Variants in CNTNAP2 observed in about 807,000 individuals in gnomAD.
CNTNAP2 encodes contactin associated protein 2.
CNTNAP2 carries 98 observed loss-of-function variants against 155.2 expected under a neutral mutation model. The ratio of observed to expected loss-of-function variants is 0.63; its 90% CI spans 0.54 to 0.75. The LOEUF (loss-of-function observed/expected upper bound fraction) is 0.75, where lower values mean the gene tolerates loss of function less well. Ranked by LOEUF, CNTNAP2 falls within the 30% of genes least tolerant of loss-of-function variation. The pLI, the probability that CNTNAP2 is intolerant of heterozygous loss-of-function variation, is 0.00. For missense variants in CNTNAP2, 1,727 were observed against 1,688.1 expected (o/e 1.02, Z -0.40); for synonymous variants, 651 against 631.2 (o/e 1.03, Z -0.47).
intron 8 of CNTNAP2, among the ~76,000 whole-genome samples, chr7:147,180,265 T>G (rs983108182): frequency 6.6e-6 from 1 of 152,208 alleles, no homozygotes; most frequent in Non-Finnish European, 1.5e-5. Flanking sequence ...CCCTAGAGAT[T>G]TTTATTATCT....
At chr7:148,110,891 C>T (rs944200532) in intron 15 of CNTNAP2, among the ~76,000 whole-genome samples, 1 of 152,224 alleles carries the variant, frequency 6.6e-6, no homozygotes, top group Non-Finnish European at 1.5e-5. Context: ...GTTGACCCCT[C>T]TCCTTAGCCT....
At chr7:146,780,412 A>G (rs1333263434) in intron 2 of CNTNAP2, among the ~76,000 whole-genome samples, 2 of 151,526 alleles carry the variant, frequency 1.3e-5, no homozygotes, top group Admixed American at 6.6e-5. Flanking sequence ...GATCGTCTCA[A>G]TCTCCTGACC....
chr7:146,164,390 A>G (rs1021877817), intron 1 of CNTNAP2, among the ~76,000 whole-genome samples: 1 of 152,146 alleles, frequency 6.6e-6, no homozygotes, highest in Non-Finnish European at 1.5e-5. Context: ...AAAGTTATTT[A>G]GGGAAGGCAG....
chr7:147,998,836 T>G (rs938461001), intron 15 of CNTNAP2, among the ~76,000 whole-genome samples: 6 of 152,172 alleles, frequency 3.9e-5, no homozygotes, highest in African/African-American at 1.2e-4. Context: ...GGGGAGTTTG[T>G]TAGCCAGAAA....
At chr7:147,729,567 A>G (rs552941384) in intron 13 of CNTNAP2, among the ~76,000 whole-genome samples, 78 of 151,922 alleles carry the variant, frequency 5.1e-4, no homozygotes, top group African/African-American at 1.8e-3. Context: ...TGAGGCAAAA[A>G]AAATACATCA....
At chr7:146,503,345 A>C (rs1180255948) in intron 1 of CNTNAP2, among the ~76,000 whole-genome samples, 1 of 152,202 alleles carries the variant, frequency 6.6e-6, no homozygotes, top group Admixed American at 6.5e-5. Flanking sequence ...AATATGGCCC[A>C]GTACAAATTT....
At chr7:146,286,989 T>C (rs771114220) in intron 1 of CNTNAP2, among the ~76,000 whole-genome samples, 1 of 152,036 alleles carries the variant, frequency 6.6e-6, no homozygotes, top group Non-Finnish European at 1.5e-5. Flanking sequence ...AAACAGGTGA[T>C]GAGAACGTCC....
chr7:147,764,427 A>G (rs1434892195), intron 13 of CNTNAP2, among the ~76,000 whole-genome samples: 2 of 152,172 alleles, frequency 1.3e-5, no homozygotes, highest in Non-Finnish European at 2.9e-5. Flanking sequence ...AGGCATTTTC[A>G]ATCCTCCCTG....
At chr7:146,911,450 T>C (rs1796274685) in intron 3 of CNTNAP2, among the ~76,000 whole-genome samples, 1 of 151,932 alleles carries the variant, frequency 6.6e-6, no homozygotes, top group East Asian at 1.9e-4. Context: ...ATGTGGCACA[T>C]ATACACCATG....
intron 10 of CNTNAP2, among the ~76,000 whole-genome samples, chr7:147,479,721 C>A (rs541889081): frequency 6.9e-6 from 1 of 145,674 alleles, no homozygotes; most frequent in African/African-American, 2.4e-5. Context: ...AGATGTAGAC[C>A]AAATATGCTT....
intron 1 of CNTNAP2, among the ~76,000 whole-genome samples, chr7:146,351,175 A>G (rs943158330): frequency 2.0e-4 from 30 of 152,182 alleles, no homozygotes; most frequent in African/African-American, 7.0e-4. Flanking sequence ...AACTTAAAGT[A>G]TAATAATAAT....
chr7:148,039,915 C>T (rs1263179948), intron 15 of CNTNAP2, among the ~76,000 whole-genome samples: 1 of 152,124 alleles, frequency 6.6e-6, no homozygotes, highest in Non-Finnish European at 1.5e-5. Flanking sequence ...TAGTTGTTTC[C>T]TGAATTACTA....
intron 1 of CNTNAP2, among the ~76,000 whole-genome samples, chr7:146,736,470 A>G (rs1036857437): frequency 6.6e-5 from 10 of 152,170 alleles, no homozygotes; most frequent in African/African-American, 2.4e-4. Flanking sequence ...TATGTGTTTT[A>G]CCTGAACATT....
At chr7:146,621,230 A>T (rs1041530544) in intron 1 of CNTNAP2, among the ~76,000 whole-genome samples, 1 of 152,204 alleles carries the variant, frequency 6.6e-6, no homozygotes, top group Non-Finnish European at 1.5e-5. Flanking sequence ...TTTACAGAAA[A>T]GTTGGGGAGA....
At chr7:147,357,165 C>T (rs1796078134) in intron 9 of CNTNAP2, among the ~76,000 whole-genome samples, 1 of 152,040 alleles carries the variant, frequency 6.6e-6, no homozygotes, top group East Asian at 1.9e-4. Context: ...CTGGGTCTAC[C>T]CCTTTGTCCT....
chr7:148,102,539 A>G (rs1804123328), intron 15 of CNTNAP2, among the ~76,000 whole-genome samples: 1 of 152,228 alleles, frequency 6.6e-6, no homozygotes, highest in Non-Finnish European at 1.5e-5. Flanking sequence ...TACAACTTGA[A>G]ATATTGAAGC....
chr7:147,659,966 G>C (rs572122741), intron 13 of CNTNAP2, among the ~76,000 whole-genome samples: 1 of 152,278 alleles, frequency 6.6e-6, no homozygotes, highest in South Asian at 2.1e-4. Context: ...TGATTCATTA[G>C]TTCTCTCAAA....
intron 3 of CNTNAP2, among the ~76,000 whole-genome samples, chr7:146,849,829 T>A (rs1359755847): frequency 1.3e-5 from 2 of 152,268 alleles, no homozygotes; most frequent in East Asian, 3.9e-4. Flanking sequence ...AGTAAGTAGT[T>A]AATAGTAGGT....
chr7:146,310,443 A>C (rs1413704363), intron 1 of CNTNAP2, among the ~76,000 whole-genome samples: 1 of 152,078 alleles, frequency 6.6e-6, no homozygotes, highest in African/African-American at 2.4e-5. Flanking sequence ...TTGTGCGTGG[A>C]TAGAGCATAT....
Sources: gnomAD v4.1 joint callset for allele counts (sites outside exome capture counted in the v4.1 genomes callset) on GRCh38, gnomAD v4.1.1 for gene constraint, MANE v1.5 for transcripts, NCBI Gene and HGNC (gene_info 2026-07-23, HGNC 2026-07-21) for gene names.